AGTPBP1: variants seen among roughly 807,000 people sequenced by gnomAD.
The protein encoded by AGTPBP1 is cytosolic carboxypeptidase 1.
AGTPBP1 carries 70 observed loss-of-function variants against 143.9 expected under a neutral mutation model. The ratio of observed to expected loss-of-function variants is 0.49; its 90% CI spans 0.40 to 0.59. AGTPBP1 has a LOEUF of 0.59. Among genes scored for constraint, AGTPBP1 ranks in the 20% least tolerant of loss-of-function variants. The pLI, the probability that AGTPBP1 is intolerant of heterozygous loss-of-function variation, is 0.00. For synonymous variants in AGTPBP1, 463 were observed against 500.2 expected, an observed-to-expected ratio of 0.93 and a Z score of 0.99; for missense variants, 1,229 against 1,464.5, an observed-to-expected ratio of 0.84 and a Z score of 2.62.
chr9:85,760,491 G>T, the AGTPBP1 span, among the ~76,000 whole-genome samples: 17 of 152,074 alleles, frequency 1.1e-4, no homozygotes, highest in Non-Finnish European at 2.4e-4. Context: ...ATGTAATCAA[G>T]CATATAAACA....
intron 17 of AGTPBP1, among the ~76,000 whole-genome samples, chr9:85,605,131 C>T (rs1382828615): frequency 6.6e-6 from 1 of 152,106 alleles, no homozygotes; most frequent in East Asian, 1.9e-4. Flanking sequence ...CATTCAAGTA[C>T]AAGAAGGCTA....
chr9:85,745,713 A>C (rs1035438777), upstream of AGTPBP1, among the ~76,000 whole-genome samples: 12 of 152,188 alleles, frequency 7.9e-5, no homozygotes, highest in African/African-American at 2.7e-4. Context: ...AATTGAACTT[A>C]AAGGCCAGGT....
chr9:85,774,687 C>A, the AGTPBP1 span, among the ~76,000 whole-genome samples: 1 of 152,206 alleles, frequency 6.6e-6, no homozygotes, highest in East Asian at 1.9e-4. Context: ...GTTACTCCTT[C>A]AATTCAGGCT....
intron 2 of AGTPBP1, among the ~76,000 whole-genome samples, chr9:85,694,831 A>T (rs62569248): frequency 0.017 from 2,546 of 152,234 alleles, 25 homozygotes; most frequent in Middle Eastern, 0.054. Flanking sequence ...AGCCCAATAT[A>T]AAACTTCTGT....
intron 13 of AGTPBP1, among the ~76,000 whole-genome samples, chr9:85,637,808 G>C (rs1332113208): frequency 1.3e-5 from 2 of 152,124 alleles, no homozygotes; most frequent in African/African-American, 2.4e-5. Flanking sequence ...CAATAAAGTT[G>C]ATTTTTTAAA....
intron 1 of AGTPBP1, among the ~76,000 whole-genome samples, chr9:85,727,052 G>T (rs142348660): frequency 6.6e-6 from 1 of 152,132 alleles, no homozygotes; most frequent in East Asian, 1.9e-4. Flanking sequence ...AAATTCGGCC[G>T]GGTGTGGTGG....
At chr9:85,647,907 AGTACT>A (rs1269748961) in intron 11 of AGTPBP1, among the ~76,000 whole-genome samples, 1 of 152,250 alleles carries the variant, frequency 6.6e-6, no homozygotes, top group Non-Finnish European at 1.5e-5. Flanking sequence ...TAGGCCAAGT[AGTACT>A]GACTTTTAAT....
the AGTPBP1 span, among the ~76,000 whole-genome samples, chr9:85,762,442 TA>T: frequency 3.3e-5 from 5 of 152,144 alleles, no homozygotes; most frequent in Admixed American, 1.3e-4. Context: ...TATGCAGGCA[TA>T]AAAAATGATG....
At chr9:85,786,474 C>T in the AGTPBP1 span, 3 of 1,613,804 alleles carry the variant, frequency 1.9e-6, no homozygotes, top group South Asian at 1.1e-5. Flanking sequence ...CGTCAAATTT[C>T]CGCCTTGGAA....
Position 85,639,164 on chromosome 9 carries a change from ATC to A in AGTPBP1, c.1302+3661_1302+3662del, listed in dbSNP as rs1376895435. ...AAATTTAAAAGATTTAAAATTTTTT[ATC>A]TTTTTTAGAAAGCCAATTTTAAAAA... On this transcript the variant is annotated intron_variant, in intron 13 of 25. Transcript: ENST00000357081. Among the ~76,000 whole-genome samples, 3 of 152,274 alleles carry A rather than the reference ATC, an allele frequency of 2.0e-5. No individual in the cohort carries two copies. In the East Asian group the frequency reaches 5.8e-4, roughly 29 times the overall value.
At chr9:85,771,531 C>G in the AGTPBP1 span, among the ~76,000 whole-genome samples, 2 of 152,162 alleles carry the variant, frequency 1.3e-5, no homozygotes, top group Non-Finnish European at 2.9e-5. Context: ...ATGTTATGCA[C>G]AGCCTCCTCT....
chr9:85,658,298 T>C (rs1175787841), intron 9 of AGTPBP1, among the ~76,000 whole-genome samples: 1 of 152,168 alleles, frequency 6.6e-6, no homozygotes, highest in Non-Finnish European at 1.5e-5. Flanking sequence ...ATTAGATTTT[T>C]ATTGCAATAA....
At chr9:85,673,760 A>G (rs938709228) in intron 6 of AGTPBP1, among the ~76,000 whole-genome samples, 1 of 152,146 alleles carries the variant, frequency 6.6e-6, no homozygotes, top group Non-Finnish European at 1.5e-5. Context: ...CCCACTATAC[A>G]ATACTACATG....
intron 17 of AGTPBP1, among the ~76,000 whole-genome samples, chr9:85,601,327 C>T (rs1376935497): frequency 6.6e-6 from 1 of 152,204 alleles, no homozygotes; most frequent in Non-Finnish European, 1.5e-5. Context: ...ATAGCCAGAG[C>T]CCCTGTAAAT....
At chr9:85,647,742 A>G (rs1156759733) in intron 11 of AGTPBP1, among the ~76,000 whole-genome samples, 1 of 152,200 alleles carries the variant, frequency 6.6e-6, no homozygotes, top group East Asian at 1.9e-4. Flanking sequence ...ATGGTGGGTG[A>G]GTGTGGCTTC....
intron 17 of AGTPBP1, among the ~76,000 whole-genome samples, chr9:85,618,043 C>A (rs112921070): frequency 6.6e-6 from 1 of 152,014 alleles, no homozygotes; most frequent in Non-Finnish European, 1.5e-5. Context: ...AGTGCGAGAC[C>A]AGCCTGGCCA....
intron 1 of AGTPBP1, among the ~76,000 whole-genome samples, chr9:85,727,723 A>C (rs184764758): frequency 1.3e-5 from 2 of 152,162 alleles, no homozygotes; most frequent in Non-Finnish European, 2.9e-5. Context: ...CTTAGAGAAA[A>C]TATTTTTAAG....
At chr9:85,636,076 A>G (rs557073530) in intron 13 of AGTPBP1, among the ~76,000 whole-genome samples, 171 of 152,206 alleles carry the variant, frequency 1.1e-3, no homozygotes, top group Non-Finnish European at 1.5e-3. Context: ...ACAAACTTAT[A>G]AAGAAGAAAA....
chr9:85,759,357 C>T, the AGTPBP1 span, among the ~76,000 whole-genome samples: 1 of 151,478 alleles, frequency 6.6e-6, no homozygotes, highest in African/African-American at 2.4e-5. Context: ...CCAAAATTGA[C>T]CACATAGTTG....
Sources: gnomAD v4.1 joint callset for allele counts (sites outside exome capture counted in the v4.1 genomes callset) on GRCh38, gnomAD v4.1.1 for gene constraint, MANE v1.5 for transcripts, NCBI Gene and HGNC (gene_info 2026-07-23, HGNC 2026-07-21) for gene names.